The following SLC4A4 variants were observed in gnomAD, a reference collection of about 807,000 sequenced individuals.
The protein encoded by SLC4A4 is solute carrier family 4 member 4.
SLC4A4 carries 27 observed loss-of-function variants against 111.5 expected under a neutral mutation model. The ratio of observed to expected loss-of-function variants is 0.24; its 90% CI spans 0.18 to 0.33. SLC4A4 has a LOEUF of 0.33. SLC4A4 is among the 10% of genes least tolerant of loss of function. The probability of loss-of-function intolerance (pLI) is 1.00; values close to 1 mark genes in which losing one functional copy is unlikely to be tolerated. For synonymous variants in SLC4A4, 443 were observed against 463.4 expected (o/e 0.96, Z 0.57); for missense variants, 909 against 1,315.5 (o/e 0.69, Z 4.78).
intron 1 of SLC4A4, among the ~76,000 whole-genome samples, chr4:71,202,663 C>T (rs567640307): frequency 4.6e-5 from 7 of 152,166 alleles, no homozygotes; most frequent in East Asian, 1.9e-4. Flanking sequence ...TCCTTGAATC[C>T]ATTTTCCTCC....
chr4:71,520,095 C>T (rs1732789718), intron 16 of SLC4A4, among the ~76,000 whole-genome samples: 1 of 152,106 alleles, frequency 6.6e-6, no homozygotes, highest in Admixed American at 6.6e-5. Context: ...AAAACATATG[C>T]TTAAACATTA....
Position 71,404,847 on chromosome 4 carries a change from G to A in SLC4A4, c.807+7194G>A, listed in dbSNP as rs1015789051. Among the ~76,000 whole-genome samples the A allele has an allele frequency of 2.6e-5, 4 of 151,926 alleles. No individual in the cohort carries two copies. In the South Asian group the frequency reaches 8.3e-4, roughly 32 times the overall value. On this transcript the variant is annotated intron_variant, in intron 7 of 25. Transcript: ENST00000264485. ...GTCTCACTCTGTTACCCAGGCTGGA[G>A]TACAGTGGCACAATCTTGGCTCACT... is the stretch of plus-strand genomic sequence containing the variant.
intron 1 of SLC4A4, among the ~76,000 whole-genome samples, chr4:71,198,191 C>G (rs940095128): frequency 6.6e-6 from 1 of 152,124 alleles, no homozygotes; most frequent in African/African-American, 2.4e-5. Flanking sequence ...AGGTGCATGT[C>G]ATTACCTTAC....
intron 14 of SLC4A4, among the ~76,000 whole-genome samples, chr4:71,475,374 A>G (rs1560540974): frequency 1.3e-5 from 2 of 152,020 alleles, no homozygotes; most frequent in African/African-American, 4.8e-5. Flanking sequence ...AAAAAGTACT[A>G]TGGTTTTACA....
intron 1 of SLC4A4, among the ~76,000 whole-genome samples, chr4:71,191,480 A>G (rs1283630393): frequency 6.6e-6 from 1 of 152,222 alleles, no homozygotes; most frequent in African/African-American, 2.4e-5. Context: ...AAGTATTTTA[A>G]TCTTTTGACT....
chr4:71,529,335 CATT>C (rs1187516857), intron 16 of SLC4A4, among the ~76,000 whole-genome samples: 25 of 152,164 alleles, frequency 1.6e-4, no homozygotes, highest in South Asian at 1.2e-3. Flanking sequence ...GAAAAAAAAT[CATT>C]GTTTTTCTTT....
chr4:71,305,475 A>C (rs1037518320), intron 3 of SLC4A4, among the ~76,000 whole-genome samples: 1 of 152,238 alleles, frequency 6.6e-6, no homozygotes, highest in Non-Finnish European at 1.5e-5. Flanking sequence ...ATGAAGCATA[A>C]AGATGAAATG....
chr4:71,127,453 C>T (rs1045292080), intron 2 of SLC4A4, among the ~76,000 whole-genome samples: 5 of 152,100 alleles, frequency 3.3e-5, no homozygotes, highest in African/African-American at 9.7e-5. Flanking sequence ...AAATCCCACC[C>T]ATATATCTTT....
At chr4:71,321,977 A>T (rs954928101) in intron 3 of SLC4A4, among the ~76,000 whole-genome samples, 5 of 152,036 alleles carry the variant, frequency 3.3e-5, no homozygotes, top group African/African-American at 1.2e-4. Context: ...TAAACTTCAC[A>T]AAAGTTGAGG....
chr4:71,133,396 A>G (rs1045169982), intron 2 of SLC4A4, among the ~76,000 whole-genome samples: 1 of 152,188 alleles, frequency 6.6e-6, no homozygotes, highest in South Asian at 2.1e-4. Flanking sequence ...ATTCTGTCCT[A>G]TGTGGTATTA....
intron 1 of SLC4A4, among the ~76,000 whole-genome samples, chr4:71,216,160 T>C (rs1560785714): frequency 6.6e-6 from 1 of 152,192 alleles, no homozygotes; most frequent in Non-Finnish European, 1.5e-5. Flanking sequence ...CCACCCACCT[T>C]GGCCCCCCAA....
In SLC4A4 at chr4:71,447,619, G is replaced by A. The variant is rs574687557; in HGVS notation, c.966-27G>A. 7 of 1,376,408 alleles carry A rather than the reference G, an allele frequency of 5.1e-6. No homozygotes were observed. The African/African-American group carries it at 8.5e-5, about 17-fold the overall frequency. The allele number at this position is 1,376,408 out of a possible 1,614,324, so 85.3% of individuals were successfully genotyped here. A position where few individuals can be genotyped will look rare whatever the true frequency, so the allele number is the denominator to read the frequency against. On this transcript the variant is annotated intron_variant, in intron 8 of 25. Coordinates refer to ENST00000264485, the MANE Select transcript of SLC4A4 (RefSeq NM_001098484.3). ...TGAGTTTGATGAAATGTGTGTTATA[G>A]CCTTTGCTTCTTTCCTTTTCCATTA...
chr4:71,307,155 A>G (rs1347663930), intron 3 of SLC4A4, among the ~76,000 whole-genome samples: 1 of 152,246 alleles, frequency 6.6e-6, no homozygotes, highest in East Asian at 1.9e-4. Context: ...GTTTCATTAA[A>G]GTATTTAAAA....
chr4:71,402,253 G>A (rs1720436311), intron 7 of SLC4A4, among the ~76,000 whole-genome samples: 1 of 152,022 alleles, frequency 6.6e-6, no homozygotes, highest in Non-Finnish European at 1.5e-5. Context: ...TGTGATTATT[G>A]GGGGAATAAC....
chr4:71,168,022 AT>A (rs1231883110), intron 2 of SLC4A4, among the ~76,000 whole-genome samples: 1 of 151,522 alleles, frequency 6.6e-6, no homozygotes, highest in Non-Finnish European at 1.5e-5. Flanking sequence ...TAAAATTTTT[AT>A]AATTTTTGTG....
At chr4:71,339,585 CT>C in intron 4 of SLC4A4, 80 bp downstream of exon 4, 1 of 1,424,156 alleles carries the variant, frequency 7.0e-7, no homozygotes, top group Non-Finnish European at 9.9e-7. Context: ...GAGTGCCGTT[CT>C]TTAGCCTTAG....
intron 7 of SLC4A4, among the ~76,000 whole-genome samples, chr4:71,432,600 G>A (rs368543256): frequency 6.6e-6 from 1 of 151,978 alleles, no homozygotes; most frequent in African/African-American, 2.4e-5. Flanking sequence ...GATTTTGTTT[G>A]TAGCATGTAA....
chr4:71,357,140 G>A lies in SLC4A4; in HGVS notation c.683G>A (p.Gly228Glu). The A allele has an allele frequency of 6.2e-7, 1 of 1,614,152 alleles. No homozygotes were observed. Among genetic ancestry groups the A allele is most frequent in the South Asian group, 1.1e-5 (1 of 91,078 alleles). ...KSNLRSLADI[G>E]KTVSSASRMF... is the part of the protein sequence containing the mutation. The stretch of plus-strand genomic sequence containing the variant: ...AACCTTCGGTCCCTGGCTGACATTG[G>A]GAAGACAGTCTCCAGTGCAAGTAGG... The change falls in exon 6 of 26, where the codon GGG becomes GAG. Residue 228 changes from glycine (G) to glutamate (E), a missense_variant. Transcript: ENST00000264485.
chr4:71,220,891 C>T (rs1466137632), intron 1 of SLC4A4, among the ~76,000 whole-genome samples: 1 of 151,992 alleles, frequency 6.6e-6, no homozygotes, highest in Admixed American at 6.6e-5. Flanking sequence ...TAAAGTAGAC[C>T]CCAGTGTCTG....
Sources: allele counts gnomAD v4.1 joint callset (sites outside exome capture counted in the v4.1 genomes callset), GRCh38; gene constraint gnomAD v4.1.1; transcripts MANE v1.5; gene names NCBI Gene and HGNC (gene_info 2026-07-23, HGNC 2026-07-21).